Variants in KRABD5 observed in about 807,000 individuals in gnomAD.
KRABD5 encodes the protein KRAB domain containing 5, also known as KRAB domain-containing protein 5.
the KRABD5 span, among the ~76,000 whole-genome samples, chr16:31,720,760 GTGTTTC>G: frequency 2.6e-5 from 4 of 152,114 alleles, no homozygotes; most frequent in African/African-American, 9.7e-5. Context: ...TGTTGTTAAT[GTGTTTC>G]TAGGAGGGAG....
At chr16:31,749,818 T>C in the KRABD5 span, among the ~76,000 whole-genome samples, 1 of 152,190 alleles carries the variant, frequency 6.6e-6, no homozygotes. Context: ...TGGTGAAAGA[T>C]TCACACACTT....
the KRABD5 span, among the ~76,000 whole-genome samples, chr16:31,720,390 G>T: frequency 1.3e-5 from 2 of 152,158 alleles, no homozygotes; most frequent in African/African-American, 2.4e-5. Context: ...GCCAATTCAT[G>T]GAACTTTTCC....
the KRABD5 span, among the ~76,000 whole-genome samples, chr16:31,730,786 A>G: frequency 6.6e-6 from 1 of 151,104 alleles, no homozygotes; most frequent in Middle Eastern, 3.4e-3. Flanking sequence ...AAGTTTGCTG[A>G]TTTTTTTCTT....
chr16:31,745,069 A>G, the KRABD5 span, among the ~76,000 whole-genome samples: 2 of 152,096 alleles, frequency 1.3e-5, no homozygotes, highest in African/African-American at 2.4e-5. Context: ...TCAAAAAACT[A>G]GCTCCTTGGT....
chr16:31,715,001 G>T, the KRABD5 span, among the ~76,000 whole-genome samples: 157 of 152,268 alleles, frequency 1.0e-3, no homozygotes, highest in Middle Eastern at 3.4e-3. Context: ...AGCAGAAAAG[G>T]CCTTTCTTTC....
At chr16:31,752,839 C>A in the KRABD5 span, among the ~76,000 whole-genome samples, 1 of 152,120 alleles carries the variant, frequency 6.6e-6, no homozygotes, top group Admixed American at 6.6e-5. Flanking sequence ...GGCCTGGTGA[C>A]AGTGCAAGAC....
chr16:31,744,382 CAT>C, the KRABD5 span, among the ~76,000 whole-genome samples: 4 of 152,060 alleles, frequency 2.6e-5, no homozygotes, highest in Non-Finnish European at 5.9e-5. Context: ...TTGAGATAAT[CAT>C]GTGGTTTTTG....
the KRABD5 span, among the ~76,000 whole-genome samples, chr16:31,738,217 A>G: frequency 6.6e-6 from 1 of 152,080 alleles, no homozygotes; most frequent in Non-Finnish European, 1.5e-5. Context: ...CTAATGGTCT[A>G]TAGTGTTGTT....
At chr16:31,737,725 T>C in the KRABD5 span, among the ~76,000 whole-genome samples, 1 of 152,172 alleles carries the variant, frequency 6.6e-6, no homozygotes, top group African/African-American at 2.4e-5. Flanking sequence ...ATGTAGTATA[T>C]TTTGAAATCA....
At chr16:31,723,069 G>A in the KRABD5 span, among the ~76,000 whole-genome samples, 1 of 152,126 alleles carries the variant, frequency 6.6e-6, no homozygotes, top group African/African-American at 2.4e-5. Flanking sequence ...AGTCATACTT[G>A]GAAGTGAAGC....
the KRABD5 span, among the ~76,000 whole-genome samples, chr16:31,734,431 T>C: frequency 6.6e-6 from 1 of 152,180 alleles, no homozygotes; most frequent in East Asian, 1.9e-4. Context: ...TAAAAAATTT[T>C]TGCAGAGATA....
chr16:31,748,189 A>G, the KRABD5 span, among the ~76,000 whole-genome samples: 1 of 152,222 alleles, frequency 6.6e-6, no homozygotes, highest in African/African-American at 2.4e-5. Flanking sequence ...GAAGGGATCC[A>G]GTTTCAGCTT....
the KRABD5 span, chr16:31,714,297 G>A: frequency 4.4e-6 from 2 of 453,610 alleles, no homozygotes; most frequent in Non-Finnish European, 8.9e-6. Context: ...AAGTGTAAGT[G>A]CCTTACAGTT....
At chr16:31,750,587 T>C in the KRABD5 span, among the ~76,000 whole-genome samples, 1 of 151,910 alleles carries the variant, frequency 6.6e-6, no homozygotes, top group Non-Finnish European at 1.5e-5. Context: ...TGAGAGAGGG[T>C]GTTCTTCTCT....
At chr16:31,716,705 G>T in the KRABD5 span, among the ~76,000 whole-genome samples, 2 of 152,076 alleles carry the variant, frequency 1.3e-5, no homozygotes, top group South Asian at 4.1e-4. Flanking sequence ...ATGTGCATGC[G>T]GTGTGTCCAA....
the KRABD5 span, among the ~76,000 whole-genome samples, chr16:31,720,516 TAG>T: frequency 6.6e-6 from 1 of 152,224 alleles, no homozygotes; most frequent in Non-Finnish European, 1.5e-5. Context: ...GGCTTCTAAG[TAG>T]AGTCACATGG....
chr16:31,741,000 T>C, the KRABD5 span, among the ~76,000 whole-genome samples: 10 of 152,268 alleles, frequency 6.6e-5, no homozygotes, highest in South Asian at 2.1e-3. Context: ...TGAGTCCCCA[T>C]TGTCTCTTTT....
the KRABD5 span, among the ~76,000 whole-genome samples, chr16:31,719,929 T>C: frequency 6.6e-6 from 1 of 152,222 alleles, no homozygotes; most frequent in Non-Finnish European, 1.5e-5. Flanking sequence ...AACTTCACCC[T>C]TCTTTTCCGT....
At chr16:31,757,842 G>GA in the KRABD5 span, 6 of 136,814 alleles carry the variant, frequency 4.4e-5, no homozygotes, top group East Asian at 2.1e-4. Context: ...AGGTAGGTAG[G>GA]TAGGTAGGTA....
Sources: allele counts gnomAD v4.1 joint callset (sites outside exome capture counted in the v4.1 genomes callset), GRCh38; gene constraint gnomAD v4.1.1; transcripts MANE v1.5; gene names NCBI Gene and HGNC (gene_info 2026-07-23, HGNC 2026-07-21).